The following SUGCT variants were observed in gnomAD, a reference collection of about 807,000 sequenced individuals.
SUGCT encodes succinyl-CoA:glutarate-CoA transferase.
SUGCT carries 41 observed loss-of-function variants against 55.0 expected under a neutral mutation model. That is an observed-to-expected ratio of 0.74 (90% CI 0.58 to 0.97). The LOEUF (loss-of-function observed/expected upper bound fraction) is 0.97. Ranked by LOEUF, SUGCT falls within the 50% of genes least tolerant of loss-of-function variation. SUGCT has a pLI of 0.00. For synonymous variants in SUGCT, 187 were observed against 200.4 expected (o/e 0.93, Z 0.56); for missense variants, 568 against 547.8 (o/e 1.04, Z -0.37).
At chr7:41,028,122 G>A in the SUGCT span, among the ~76,000 whole-genome samples, 1 of 152,238 alleles carries the variant, frequency 6.6e-6, no homozygotes, top group Admixed American at 6.5e-5. Context: ...GGCAGGTATT[G>A]AGGCAGTGCC....
At chr7:40,723,734 TAG>T (rs2128687877) in intron 12 of SUGCT, among the ~76,000 whole-genome samples, 1 of 152,328 alleles carries the variant, frequency 6.6e-6, no homozygotes, top group East Asian at 1.9e-4. Context: ...CAGGAAACAC[TAG>T]AGTTACTTGT....
intron 8 of SUGCT, among the ~76,000 whole-genome samples, chr7:40,292,566 A>G (rs932849166): frequency 2.0e-5 from 3 of 152,156 alleles, no homozygotes; most frequent in Admixed American, 1.3e-4. Flanking sequence ...ATTCTTTTAT[A>G]TCTTTGATTC....
intron 9 of SUGCT, among the ~76,000 whole-genome samples, chr7:40,331,571 AC>A (rs1300352170): frequency 3.4e-5 from 5 of 148,694 alleles, no homozygotes; most frequent in Admixed American, 6.8e-5. Flanking sequence ...GACTGCCAGT[AC>A]TACACGAGCT....
intron 13 of SUGCT, among the ~76,000 whole-genome samples, chr7:40,795,917 A>T (rs542139432): frequency 6.6e-6 from 1 of 152,322 alleles, no homozygotes; most frequent in East Asian, 1.9e-4. Flanking sequence ...TATGAAAATT[A>T]ATAGGAACAT....
the SUGCT span, among the ~76,000 whole-genome samples, chr7:40,883,168 A>G: frequency 6.6e-6 from 1 of 152,198 alleles, no homozygotes; most frequent in Non-Finnish European, 1.5e-5. Context: ...TCTTAACAGT[A>G]CAGGCTTCTT....
At chr7:40,895,162 C>T in the SUGCT span, among the ~76,000 whole-genome samples, 1 of 152,084 alleles carries the variant, frequency 6.6e-6, no homozygotes, top group Non-Finnish European at 1.5e-5. Flanking sequence ...ACCTTTGCAG[C>T]AACATAGATG....
chr7:40,180,320 G>C (rs1237602596), intron 1 of SUGCT, among the ~76,000 whole-genome samples: 2 of 151,998 alleles, frequency 1.3e-5, no homozygotes, highest in Non-Finnish European at 2.9e-5. Flanking sequence ...GATTTACCAA[G>C]TTGGCCAGGC....
intron 8 of SUGCT, among the ~76,000 whole-genome samples, chr7:40,290,086 T>G (rs907943121): frequency 3.3e-5 from 5 of 151,972 alleles, no homozygotes; most frequent in Non-Finnish European, 5.9e-5. Flanking sequence ...CTGCCCAAGG[T>G]AATTTATAGA....
chr7:40,353,030 A>G (rs191324111), intron 9 of SUGCT, among the ~76,000 whole-genome samples: 125 of 152,208 alleles, frequency 8.2e-4, no homozygotes, highest in African/African-American at 2.9e-3. Flanking sequence ...ATGATTAGTG[A>G]TGTTTAGCAC....
the SUGCT span, among the ~76,000 whole-genome samples, chr7:40,870,939 G>A: frequency 2.0e-5 from 3 of 151,890 alleles, no homozygotes; most frequent in Non-Finnish European, 2.9e-5. Context: ...CTTTCAACAC[G>A]CTCCTACCTT....
At chr7:40,906,914 T>C in the SUGCT span, among the ~76,000 whole-genome samples, 74,511 of 151,866 alleles carry the variant, frequency 0.49, 18,570 homozygotes, top group South Asian at 0.63. Context: ...AAATAACAAA[T>C]CTTCCCAGAG....
intron 8 of SUGCT, among the ~76,000 whole-genome samples, chr7:40,308,646 T>C (rs528832884): frequency 6.2e-4 from 95 of 152,308 alleles, no homozygotes; most frequent in Non-Finnish European, 1.1e-3. Context: ...TGGCTCTCTT[T>C]CTGTTCTTCA....
At chr7:41,033,685 C>T in the SUGCT span, among the ~76,000 whole-genome samples, 1 of 152,154 alleles carries the variant, frequency 6.6e-6, no homozygotes, top group Non-Finnish European at 1.5e-5. Flanking sequence ...CTCTTTCCCA[C>T]TCCTGGAAAT....
Position 40,377,231 on chromosome 7 carries a change from TTCCCTTCCTTCCTTCCTTCTTTC to T in SUGCT, c.816+60378_816+60400del, listed in dbSNP as rs1562729099. On this transcript the variant is annotated intron_variant, in intron 9 of 13. Transcript: ENST00000335693. ...TTCTTTTCTTTCTTTTCTTTCTTTC[TTCCCTTCCTTCCTTCCTTCTTTC>T]TTTTTTGAGACCTAGTCTCACTCTA... Among the ~76,000 whole-genome samples, 40 of 19,606 alleles carry T rather than the reference TTCCCTTCCTTCCTTCCTTCTTTC, an allele frequency of 2.0e-3. 17 individuals carry two copies. The highest frequency in any genetic ancestry group is 0.1 in the East Asian group (2 of 20). The allele number at this position is 19,606 out of a possible 152,430, so 12.9% of individuals were successfully genotyped here. A position where few individuals can be genotyped will look rare whatever the true frequency, so the allele number is the denominator to read the frequency against.
chr7:40,926,684 C>A, the SUGCT span, among the ~76,000 whole-genome samples: 1 of 152,108 alleles, frequency 6.6e-6, no homozygotes, highest in African/African-American at 2.4e-5. Context: ...ACCATGTGAA[C>A]AAACAGTGAG....
intron 1 of SUGCT, among the ~76,000 whole-genome samples, chr7:40,169,472 C>G (rs926060363): frequency 1.3e-5 from 2 of 152,186 alleles, no homozygotes; most frequent in Non-Finnish European, 2.9e-5. Flanking sequence ...GGCACTTGCC[C>G]TGGGCACCCT....
chr7:40,327,088 G>A (rs1012818667), intron 9 of SUGCT, among the ~76,000 whole-genome samples: 1 of 152,194 alleles, frequency 6.6e-6, no homozygotes, highest in Non-Finnish European at 1.5e-5. Context: ...TAGCACTGAT[G>A]AGTTAGAATA....
intron 12 of SUGCT, among the ~76,000 whole-genome samples, chr7:40,732,671 A>C (rs1028544887): frequency 6.6e-6 from 1 of 152,216 alleles, no homozygotes; most frequent in African/African-American, 2.4e-5. Context: ...CTCAGAAGGC[A>C]GCACTCTCCC....
At chr7:40,252,977 C>A (rs1363098933) in intron 7 of SUGCT, among the ~76,000 whole-genome samples, 3 of 152,164 alleles carry the variant, frequency 2.0e-5, no homozygotes, top group South Asian at 2.1e-4. Flanking sequence ...AATATTATAA[C>A]TGTGGAAATA....
Sources: gnomAD v4.1 joint callset for allele counts (sites outside exome capture counted in the v4.1 genomes callset) on GRCh38, gnomAD v4.1.1 for gene constraint, MANE v1.5 for transcripts, NCBI Gene and HGNC (gene_info 2026-07-23, HGNC 2026-07-21) for gene names.